Variants in GRID1 observed in about 807,000 individuals in gnomAD.
The protein encoded by GRID1 is glutamate receptor ionotropic, delta-1.
In GRID1, 28 loss-of-function variants were observed where a neutral mutation model predicts 98.0. The observed-to-expected ratio is 0.29, with a 90% CI of 0.21 to 0.39. The LOEUF (loss-of-function observed/expected upper bound fraction) is 0.39, where lower values mean the gene tolerates loss of function less well. GRID1 is among the 10% of genes least tolerant of loss of function. The probability of loss-of-function intolerance (pLI) is 1.00; values close to 1 mark genes in which losing one functional copy is unlikely to be tolerated. For missense variants in GRID1, 1,111 were observed against 1,340.5 expected (o/e 0.83, Z 2.67); for synonymous variants, 553 against 538.5 (o/e 1.03, Z -0.37).
At chr10:85,774,662 A>G (rs1842310661) in intron 8 of GRID1, among the ~76,000 whole-genome samples, 1 of 152,256 alleles carries the variant, frequency 6.6e-6, no homozygotes, top group African/African-American at 2.4e-5. Context: ...AAAAGTGGGC[A>G]AAGGACATGA....
intron 12 of GRID1, among the ~76,000 whole-genome samples, chr10:85,712,187 G>A (rs1028160810): frequency 6.6e-6 from 1 of 151,592 alleles, no homozygotes; most frequent in East Asian, 1.9e-4. Context: ...AATATAAGTG[G>A]ATTAAACATT....
intron 5 of GRID1, among the ~76,000 whole-genome samples, chr10:85,900,926 T>A (rs1039523528): frequency 1.3e-5 from 2 of 151,968 alleles, no homozygotes; most frequent in South Asian, 2.1e-4. Context: ...TTATATGCAG[T>A]GTGGAAAGAA....
At chr10:86,269,609 G>C (rs1847155088) in intron 2 of GRID1, among the ~76,000 whole-genome samples, 1 of 152,186 alleles carries the variant, frequency 6.6e-6, no homozygotes, top group Non-Finnish European at 1.5e-5. Context: ...GCCTCTCCTG[G>C]TTCTCAGTCC....
intron 8 of GRID1, among the ~76,000 whole-genome samples, chr10:85,852,992 A>C (rs1718882520): frequency 1.3e-5 from 2 of 152,102 alleles, no homozygotes; most frequent in South Asian, 4.2e-4. Context: ...TTGAAACTTC[A>C]ATTATTTATA....
intron 5 of GRID1, among the ~76,000 whole-genome samples, chr10:85,882,960 A>G (rs966649686): frequency 6.6e-6 from 1 of 151,920 alleles, no homozygotes; most frequent in African/African-American, 2.4e-5. Context: ...CTGAGTATGG[A>G]GTTTGATTTC....
chr10:86,030,854 AG>A (rs1843176809), intron 4 of GRID1, among the ~76,000 whole-genome samples: 1 of 152,222 alleles, frequency 6.6e-6, no homozygotes, highest in African/African-American at 2.4e-5. Flanking sequence ...GAGCTTGCAC[AG>A]GTGAATGCCA....
chr10:86,197,378 G>A (rs1414418309), intron 3 of GRID1, among the ~76,000 whole-genome samples: 2 of 152,256 alleles, frequency 1.3e-5, no homozygotes, highest in African/African-American at 4.8e-5. Context: ...GGAGCAGGAG[G>A]AGGGGAGGTC....
chr10:86,153,739 T>C (rs1845203009), intron 3 of GRID1, among the ~76,000 whole-genome samples: 1 of 152,102 alleles, frequency 6.6e-6, no homozygotes, highest in African/African-American at 2.4e-5. Context: ...CACCAAAACA[T>C]GCCTGCTAAG....
intron 4 of GRID1, among the ~76,000 whole-genome samples, chr10:86,003,029 T>A (rs1842819364): frequency 6.6e-6 from 1 of 152,210 alleles, no homozygotes; most frequent in Non-Finnish European, 1.5e-5. Flanking sequence ...ATTGCACAAG[T>A]CAACAGCAAA....
intron 5 of GRID1, 138 bp from the exon 6 acceptor site, chr10:85,869,318 T>C: frequency 1.5e-6 from 1 of 676,348 alleles, no homozygotes; most frequent in Non-Finnish European, 2.6e-6. Context: ...GTCACACAGT[T>C]CATTAGTTGC....
intron 8 of GRID1, among the ~76,000 whole-genome samples, chr10:85,807,169 G>C (rs1842630299): frequency 6.6e-6 from 1 of 151,970 alleles, no homozygotes; most frequent in Non-Finnish European, 1.5e-5. Context: ...GGCCAACATG[G>C]CAAAACACCA....
chr10:86,336,588 C>T (rs1848224685), intron 2 of GRID1, among the ~76,000 whole-genome samples: 1 of 152,236 alleles, frequency 6.6e-6, no homozygotes, highest in Admixed American at 6.5e-5. Context: ...CCCCTGCCGT[C>T]CTCTGGGTGC....
chr10:85,976,743 G>A (rs1159083807), intron 4 of GRID1, among the ~76,000 whole-genome samples: 2 of 152,220 alleles, frequency 1.3e-5, no homozygotes, highest in Non-Finnish European at 2.9e-5. Flanking sequence ...CTGCAGACCT[G>A]AACAGGCTTA....
In GRID1 at chr10:86,138,990, G is replaced by A. The variant is rs1464512611; in HGVS notation, c.555C>T (p.Ala185=). ...IRGLQSFLDQ[A]SRLGLDVSLQ... ...AAGAGACGTCAAGGCCCAGCCGCGA[G>A]GCCTGGTCCAGAAAGCTTTGAAGCC... Residue 185 remains alanine, a synonymous_variant, in exon 4 of 16, where the codon GCC becomes GCT. Coordinates refer to ENST00000327946, the MANE Select transcript of GRID1 (RefSeq NM_017551.3). 1.1e-5 allele frequency: 18 copies of A among 1,613,946 alleles called. No individual in the cohort carries two copies. The highest frequency in any genetic ancestry group is 1.4e-5 in the Non-Finnish European group (16 of 1,179,904).
rs1291292747 is a variant in GRID1, at chr10:86,076,747, G to A, written c.726+62072C>T. 1.2e-4 allele frequency among the ~76,000 whole-genome samples: 16 copies of A among 137,434 alleles called. 1 individual carries two copies. The highest frequency in any genetic ancestry group is 2.9e-4 in the Admixed American group (4 of 13,932). The allele number at this position is 137,434 out of a possible 152,430, so 90.2% of individuals were successfully genotyped here. Reference sequence around the variant, plus strand: ...CATCATGGCGAGCAATCTGTTGGCAGGATTGGTTCCTTCTGAGGGCTGTGA... The same window carrying A: ...CATCATGGCGAGCAATCTGTTGGCAAGATTGGTTCCTTCTGAGGGCTGTGA... On this transcript the variant is annotated intron_variant, in intron 4 of 15. Coordinates refer to ENST00000327946, the MANE Select transcript of GRID1 (RefSeq NM_017551.3).
intron 2 of GRID1, among the ~76,000 whole-genome samples, chr10:86,290,095 G>A (rs1436681664): frequency 1.3e-5 from 2 of 152,182 alleles, no homozygotes; most frequent in African/African-American, 2.4e-5. Flanking sequence ...AAGCTAAAAC[G>A]AATTCCCTTT....
intron 8 of GRID1, among the ~76,000 whole-genome samples, chr10:85,771,951 T>C (rs1372277104): frequency 6.6e-6 from 1 of 152,144 alleles, no homozygotes; most frequent in Non-Finnish European, 1.5e-5. Flanking sequence ...GGAATTGAAC[T>C]TAGCTCTGCA....
At chr10:85,968,585 A>C (rs1203400494) in intron 4 of GRID1, among the ~76,000 whole-genome samples, 1 of 152,180 alleles carries the variant, frequency 6.6e-6, no homozygotes, top group Admixed American at 6.5e-5. Context: ...GCTACACTAA[A>C]GCAAAGTTTT....
chr10:86,107,232 C>T (rs1002268827), intron 4 of GRID1, among the ~76,000 whole-genome samples: 3 of 152,208 alleles, frequency 2.0e-5, no homozygotes, highest in African/African-American at 7.2e-5. Flanking sequence ...TCTCACTGCC[C>T]GATAGCTGCT....
Sources: allele counts gnomAD v4.1 joint callset (sites outside exome capture counted in the v4.1 genomes callset), GRCh38; gene constraint gnomAD v4.1.1; transcripts MANE v1.5; gene names NCBI Gene and HGNC (gene_info 2026-07-23, HGNC 2026-07-21).